Variants in NLGN1 observed in about 807,000 individuals in gnomAD.
The protein encoded by NLGN1 is neuroligin 1.
A neutral mutation model predicts 65.5 loss-of-function variants in NLGN1; 12 were observed. That is an observed-to-expected ratio of 0.18 (90% confidence interval 0.12 to 0.30). The LOEUF is 0.30. Among genes scored for constraint, NLGN1 ranks in the 10% least tolerant of loss-of-function variants. The probability of loss-of-function intolerance (pLI) is 1.00; values close to 1 mark genes in which losing one functional copy is unlikely to be tolerated. For synonymous variants in NLGN1, 350 were observed against 359.5 expected, an observed-to-expected ratio of 0.97 and a Z score of 0.30; for missense variants, 750 against 1,007.1, an observed-to-expected ratio of 0.74 and a Z score of 3.46.
intron 2 of NLGN1, among the ~76,000 whole-genome samples, chr3:173,573,413 C>T (rs1459244382): frequency 6.6e-6 from 1 of 151,614 alleles, no homozygotes; most frequent in Non-Finnish European, 1.5e-5. Context: ...GCTGAGAGAG[C>T]AAATACATAG....
At chr3:174,235,102 G>A (rs62291769) in intron 4 of NLGN1, among the ~76,000 whole-genome samples, 10,331 of 142,076 alleles carry the variant, frequency 0.073, 435 homozygotes, top group East Asian at 0.12. Context: ...CATCTGACCT[G>A]CATTCTCTTA....
intron 4 of NLGN1, among the ~76,000 whole-genome samples, chr3:174,023,800 T>A (rs1728256625): frequency 6.6e-6 from 1 of 152,156 alleles, no homozygotes; most frequent in Non-Finnish European, 1.5e-5. Flanking sequence ...GACTGTGTGA[T>A]GAAGAGGCAG....
chr3:173,881,602 G>A (rs1733325594), intron 4 of NLGN1, among the ~76,000 whole-genome samples: 1 of 150,400 alleles, frequency 6.6e-6, no homozygotes, highest in Non-Finnish European at 1.5e-5. Flanking sequence ...TTTTTTGTGT[G>A]TTTTTAGTAG....
intron 2 of NLGN1, among the ~76,000 whole-genome samples, chr3:173,554,873 G>A (rs1741457291): frequency 1.3e-5 from 2 of 152,132 alleles, no homozygotes; most frequent in South Asian, 2.1e-4. Context: ...CATAAGTACT[G>A]TATGTGTGAG....
chr3:173,455,961 A>G (rs1319541182), intron 2 of NLGN1, among the ~76,000 whole-genome samples: 1 of 152,124 alleles, frequency 6.6e-6, no homozygotes, highest in African/African-American at 2.4e-5. Context: ...AGCTTATACT[A>G]TCAGGCAGAA....
chr3:173,433,788 A>T (rs1371266294), intron 1 of NLGN1, among the ~76,000 whole-genome samples: 1 of 152,146 alleles, frequency 6.6e-6, no homozygotes, highest in African/African-American at 2.4e-5. Flanking sequence ...CTTTATGCGT[A>T]ATGGAAGTTT....
At chr3:174,204,453 G>A (rs1735049882) in intron 4 of NLGN1, among the ~76,000 whole-genome samples, 1 of 152,182 alleles carries the variant, frequency 6.6e-6, no homozygotes, top group Non-Finnish European at 1.5e-5. Context: ...CTGGATTAGT[G>A]CATAGGATAA....
intron 2 of NLGN1, among the ~76,000 whole-genome samples, chr3:173,584,367 A>AC (rs1746926165): frequency 7.0e-6 from 1 of 142,620 alleles, no homozygotes; most frequent in Non-Finnish European, 1.5e-5. Flanking sequence ...TGGAGTAGAA[A>AC]CCTATATTAG....
In NLGN1 at chr3:173,525,418, G is replaced by A. The variant is rs766409999; in HGVS notation, c.-320-78861G>A. The stretch of plus-strand genomic sequence containing the variant: ...GTTTGTGCACATGGAGACATTCATA[G>A]TATTCCTTGATGATCTTTGTATATC... On this transcript the variant is annotated intron_variant, in intron 2 of 6. Transcript: ENST00000457714. 9.2e-5 allele frequency among the ~76,000 whole-genome samples: 14 copies of A among 152,010 alleles called. 1 individual carries two copies. The highest frequency in any genetic ancestry group is 8.5e-4 in the Admixed American group (13 of 15,248).
intron 4 of NLGN1, among the ~76,000 whole-genome samples, chr3:174,178,192 C>T (rs1044610348): frequency 6.6e-6 from 1 of 152,032 alleles, no homozygotes; most frequent in Non-Finnish European, 1.5e-5. Flanking sequence ...GAAGCTTTTT[C>T]TCTTGATTTA....
At chr3:174,284,844 C>G (rs1330619473) in exon 7 of NLGN1, 4 of 151,374 alleles carry the variant, frequency 2.6e-5, no homozygotes, top group Non-Finnish European at 5.9e-5. Flanking sequence ...TTATTTTATT[C>G]CTCATTTCAA....
intron 2 of NLGN1, among the ~76,000 whole-genome samples, chr3:173,562,678 A>G (rs1007882926): frequency 3.3e-5 from 5 of 152,168 alleles, no homozygotes; most frequent in African/African-American, 7.2e-5. Context: ...TGATAATTCC[A>G]TAGTCTTCTT....
chr3:174,166,347 C>G (rs1382987348), intron 4 of NLGN1, among the ~76,000 whole-genome samples: 2 of 152,068 alleles, frequency 1.3e-5, no homozygotes, highest in Non-Finnish European at 2.9e-5. Context: ...AAACCTTCCT[C>G]TTAACACTGC....
intron 2 of NLGN1, among the ~76,000 whole-genome samples, chr3:173,484,278 T>A (rs754058725): frequency 9.3e-5 from 14 of 151,242 alleles, no homozygotes; most frequent in Non-Finnish European, 1.6e-4. Context: ...CAAAATCACA[T>A]CCAAATGGAT....
chr3:173,519,884 A>T (rs934916190), intron 2 of NLGN1, among the ~76,000 whole-genome samples: 2 of 152,070 alleles, frequency 1.3e-5, no homozygotes, highest in African/African-American at 2.4e-5. Context: ...CAAGGGTGGG[A>T]TGATATGATT....
intron 4 of NLGN1, among the ~76,000 whole-genome samples, chr3:173,965,478 C>A (rs577404901): frequency 6.8e-6 from 1 of 147,426 alleles, no homozygotes; most frequent in Non-Finnish European, 1.5e-5. Context: ...CCACCAGGCC[C>A]GGCTTTTTTT....
At chr3:174,193,262 C>A (rs775669839) in intron 4 of NLGN1, among the ~76,000 whole-genome samples, 2 of 152,168 alleles carry the variant, frequency 1.3e-5, no homozygotes, top group African/African-American at 4.8e-5. Flanking sequence ...TGCCTTGCGA[C>A]TGCTTCCAAA....
intron 4 of NLGN1, among the ~76,000 whole-genome samples, chr3:173,970,014 A>G (rs998252497): frequency 3.3e-5 from 5 of 152,076 alleles, no homozygotes; most frequent in Admixed American, 1.3e-4. Flanking sequence ...GTTCACTTAT[A>G]TGCACTTGAT....
At chr3:174,083,271 A>G (rs1285695851) in intron 4 of NLGN1, among the ~76,000 whole-genome samples, 1 of 152,070 alleles carries the variant, frequency 6.6e-6, no homozygotes, top group African/African-American at 2.4e-5. Context: ...AGTTAGCTCA[A>G]CTCTGTGTAG....
Sources: gnomAD v4.1 joint callset for allele counts (sites outside exome capture counted in the v4.1 genomes callset) on GRCh38, gnomAD v4.1.1 for gene constraint, MANE v1.5 for transcripts, NCBI Gene and HGNC (gene_info 2026-07-23, HGNC 2026-07-21) for gene names.